The following ADAMTS19 variants were observed in gnomAD, a reference collection of about 807,000 sequenced individuals.
The protein encoded by ADAMTS19 is ADAM metallopeptidase with thrombospondin type 1 motif 19.
Under a neutral mutation model 153.3 loss-of-function variants are expected in ADAMTS19, and 93 were observed. That is an observed-to-expected ratio of 0.61 (90% CI 0.51 to 0.72). The LOEUF is 0.72. Ranked by LOEUF, ADAMTS19 falls within the 30% of genes least tolerant of loss-of-function variation. The probability of loss-of-function intolerance (pLI) is 0.00; values close to 1 mark genes in which losing one functional copy is unlikely to be tolerated. For missense variants in ADAMTS19, 1,482 were observed against 1,552.1 expected (o/e 0.95, Z 0.76); for synonymous variants, 600 against 556.6 (o/e 1.08, Z -1.10).
chr5:129,710,076 A>G (rs1485466565), intron 21 of ADAMTS19, among the ~76,000 whole-genome samples: 2 of 151,882 alleles, frequency 1.3e-5, no homozygotes, highest in Non-Finnish European at 2.9e-5. Context: ...CCCATCACCT[A>G]GGTATTAAGC....
At chr5:129,735,471 C>A (rs1757625860) in intron 22 of ADAMTS19, among the ~76,000 whole-genome samples, 1 of 151,716 alleles carries the variant, frequency 6.6e-6, no homozygotes, top group South Asian at 2.1e-4. Context: ...CCTTAGATTT[C>A]TCCATGGTTG....
chr5:129,680,217 A>G (rs1754738024), intron 17 of ADAMTS19, among the ~76,000 whole-genome samples: 1 of 152,172 alleles, frequency 6.6e-6, no homozygotes. Context: ...TTACTAACTG[A>G]AGAGGATGTC....
At chr5:129,502,813 T>C (rs1044312578) in intron 2 of ADAMTS19, among the ~76,000 whole-genome samples, 2 of 152,210 alleles carry the variant, frequency 1.3e-5, no homozygotes, top group African/African-American at 4.8e-5. Flanking sequence ...CCTTATGTAT[T>C]GAAGGCATGA....
chr5:129,608,846 C>CAAAA (rs3979147), intron 8 of ADAMTS19, among the ~76,000 whole-genome samples: 2 of 130,678 alleles, frequency 1.5e-5, no homozygotes, highest in Non-Finnish European at 1.6e-5. Context: ...GACTCTGTCT[C>CAAAA]AAAAAAAAAA....
At chr5:129,496,825 G>A (rs1380965498) in intron 2 of ADAMTS19, among the ~76,000 whole-genome samples, 1 of 152,086 alleles carries the variant, frequency 6.6e-6, no homozygotes, top group Admixed American at 6.6e-5. Flanking sequence ...AAGTGCTAGG[G>A]TGGGTGGCGA....
At chr5:129,531,623 TCAAACAAACAAA>T (rs757958952) in intron 6 of ADAMTS19, among the ~76,000 whole-genome samples, 2 of 152,014 alleles carry the variant, frequency 1.3e-5, no homozygotes, top group African/African-American at 4.8e-5. Flanking sequence ...AGACTCTGTC[TCAAACAAACAAA>T]CAAACAAACA....
chr5:129,475,230 T>A (rs996880016), intron 2 of ADAMTS19, among the ~76,000 whole-genome samples: 6 of 152,130 alleles, frequency 3.9e-5, no homozygotes, highest in Non-Finnish European at 7.4e-5. Flanking sequence ...TTACATTCAA[T>A]CCTATGATTC....
intron 21 of ADAMTS19, 149 bp downstream of exon 21, chr5:129,704,540 A>G: frequency 6.1e-6 from 5 of 823,686 alleles, no homozygotes; most frequent in Non-Finnish European, 7.3e-6. Flanking sequence ...CTGGCTGTCC[A>G]TGATCATGAT....
intron 3 of ADAMTS19, among the ~76,000 whole-genome samples, chr5:129,514,763 C>G (rs912049644): frequency 6.6e-6 from 1 of 151,796 alleles, no homozygotes; most frequent in East Asian, 1.9e-4. Flanking sequence ...TAATTGTATC[C>G]TTTGCCGTGC....
intron 7 of ADAMTS19, among the ~76,000 whole-genome samples, chr5:129,576,167 T>G (rs1476247760): frequency 6.6e-6 from 1 of 152,008 alleles, no homozygotes; most frequent in East Asian, 1.9e-4. Flanking sequence ...TATGACATCC[T>G]TCTCATTTCA....
At chr5:129,711,441 C>T (rs890758368) in intron 21 of ADAMTS19, among the ~76,000 whole-genome samples, 25 of 152,080 alleles carry the variant, frequency 1.6e-4, no homozygotes, top group African/African-American at 4.8e-4. Context: ...TTTGGGAGGC[C>T]GAGGTGGGTG....
At chr5:129,573,969 A>G (rs1754005796) in intron 7 of ADAMTS19, among the ~76,000 whole-genome samples, 1 of 152,058 alleles carries the variant, frequency 6.6e-6, no homozygotes, top group Admixed American at 6.6e-5. Context: ...TAAACTCTGG[A>G]AAATGGCAGC....
Position 129,684,152 on chromosome 5 carries a change from TCACTATGAATA to T in ADAMTS19, c.2704_2714del (p.Glu902ProfsTer12). 6.2e-7 allele frequency: 1 copy of T among 1,614,096 alleles called. No individual in the cohort carries two copies. Among genetic ancestry groups the T allele is most frequent in the Non-Finnish European group, 8.5e-7 (1 of 1,180,004 alleles). ...TGTTTCAGGATCAGAATTATGGTCT[TCACTATGAATA>T]CACTATCCCATCAGACCCTCTTCCA... On this transcript the variant is annotated frameshift_variant, in exon 18 of 23. Transcript: ENST00000274487. LOFTEE classifies it high-confidence loss of function.
chr5:129,687,550 T>C (rs571038525), intron 18 of ADAMTS19, among the ~76,000 whole-genome samples: 2 of 152,320 alleles, frequency 1.3e-5, no homozygotes, highest in South Asian at 4.1e-4. Flanking sequence ...GAATAGAGGT[T>C]GACTATAAAT....
intron 6 of ADAMTS19, among the ~76,000 whole-genome samples, chr5:129,536,231 C>A (rs1467815473): frequency 3.9e-5 from 6 of 152,046 alleles, no homozygotes; most frequent in Admixed American, 6.6e-5. Context: ...AACAAACAAC[C>A]CCATCAAAAA....
At chr5:129,621,535 C>A (rs1751775131) in intron 9 of ADAMTS19, among the ~76,000 whole-genome samples, 1 of 152,178 alleles carries the variant, frequency 6.6e-6, no homozygotes, top group Admixed American at 6.6e-5. Context: ...ACAATATATT[C>A]TGTGCATGCT....
At chr5:129,485,750 A>G (rs1221848007) in intron 2 of ADAMTS19, among the ~76,000 whole-genome samples, 1 of 152,174 alleles carries the variant, frequency 6.6e-6, no homozygotes, top group African/African-American at 2.4e-5. Context: ...AATTTTAAAA[A>G]TGTAGAACAT....
intron 10 of ADAMTS19, among the ~76,000 whole-genome samples, chr5:129,631,251 G>T (rs535599702): frequency 1.4e-5 from 2 of 143,600 alleles, no homozygotes; most frequent in East Asian, 4.1e-4. Flanking sequence ...TACTCTGCAT[G>T]ATCTCTTTAA....
intron 10 of ADAMTS19, among the ~76,000 whole-genome samples, chr5:129,641,586 A>G (rs182521989): frequency 6.6e-6 from 1 of 152,262 alleles, no homozygotes; most frequent in East Asian, 1.9e-4. Context: ...TATCTACATC[A>G]TCTTGTATAA....
Sources: allele counts gnomAD v4.1 joint callset (sites outside exome capture counted in the v4.1 genomes callset), GRCh38; gene constraint gnomAD v4.1.1; transcripts MANE v1.5; gene names NCBI Gene and HGNC (gene_info 2026-07-23, HGNC 2026-07-21).